The following CAMK2D variants were observed in gnomAD, a reference collection of about 807,000 sequenced individuals.
CAMK2D encodes the protein calcium/calmodulin dependent protein kinase II delta, also known as calcium/calmodulin-dependent protein kinase type II subunit delta.
In CAMK2D, 37 loss-of-function variants were observed where a neutral mutation model predicts 84.0. The ratio of observed to expected loss-of-function variants is 0.44; its 90% CI spans 0.34 to 0.58. The LOEUF (loss-of-function observed/expected upper bound fraction) is 0.58. Ranked by LOEUF, CAMK2D falls within the 20% of genes least tolerant of loss-of-function variation. The pLI is 0.02. For synonymous variants in CAMK2D, 202 were observed against 212.5 expected, an observed-to-expected ratio of 0.95 and a Z score of 0.43; for missense variants, 448 against 652.5, an observed-to-expected ratio of 0.69 and a Z score of 3.41.
At chr4:113,609,027 T>C in intron 4 of CAMK2D, 125 bp downstream of exon 4, 1 of 575,796 alleles carries the variant, frequency 1.7e-6, no homozygotes. Context: ...TAGAGTTGAA[T>C]GTTACTTGAA....
At chr4:113,587,707 AAC>A (rs2098840321) in intron 4 of CAMK2D, among the ~76,000 whole-genome samples, 1 of 152,180 alleles carries the variant, frequency 6.6e-6, no homozygotes, top group African/African-American at 2.4e-5. Flanking sequence ...GACTATTAGT[AAC>A]AGTCAGTTAT....
chr4:113,752,053 T>G (rs1381307207), intron 2 of CAMK2D, among the ~76,000 whole-genome samples: 1 of 151,500 alleles, frequency 6.6e-6, no homozygotes, highest in Non-Finnish European at 1.5e-5. Context: ...CCCCAGGGTA[T>G]GAAGAAATAA....
rs773592122 is a variant in CAMK2D at position 113,500,476 on chromosome 4, A to C, written c.1122T>G (p.Asp374Glu). The part of the protein sequence containing the change: ...STESSNTTIE[D>E]EDVKARKQEI... ...GTTAAATCATACCTTTCACATCTTC[A>C]TCCTCAATTGTTGTATTTGAACTCT... The change falls in exon 16 of 21, where the codon GAT becomes GAG. Residue 374 changes from aspartate (D) to glutamate (E), a missense_variant. This residue lies in a region of CAMK2D where 219 missense variants were observed against 272.1 expected (regional missense o/e 0.80). Coordinates refer to ENST00000511664, the MANE Select transcript of CAMK2D (RefSeq NM_001321571.2). The C allele has an allele frequency of 2.5e-6, 4 of 1,598,278 alleles. No homozygotes were observed. Among genetic ancestry groups the C allele is most frequent in the Non-Finnish European group, 3.4e-6 (4 of 1,168,036 alleles).
chr4:113,570,793 G>C (rs925696106), intron 4 of CAMK2D, among the ~76,000 whole-genome samples: 2 of 151,988 alleles, frequency 1.3e-5, no homozygotes, highest in African/African-American at 2.4e-5. Flanking sequence ...AGCAAAAATA[G>C]ATGAGATTAC....
chr4:113,601,406 C>T (rs747003312), intron 4 of CAMK2D, among the ~76,000 whole-genome samples: 6 of 151,674 alleles, frequency 4.0e-5, no homozygotes, highest in African/African-American at 1.2e-4. Context: ...AAAAGGAACA[C>T]GATCCGGATA....
chr4:113,686,710 A>G (rs544479509), intron 2 of CAMK2D, among the ~76,000 whole-genome samples: 7 of 152,354 alleles, frequency 4.6e-5, no homozygotes, highest in African/African-American at 1.7e-4. Context: ...TATTTTTAAC[A>G]TGATCATTGA....
intron 2 of CAMK2D, among the ~76,000 whole-genome samples, chr4:113,750,777 G>C (rs1005667827): frequency 3.3e-5 from 5 of 152,182 alleles, no homozygotes; most frequent in Admixed American, 1.3e-4. Context: ...TTCAGAGCCT[G>C]AGATAGGGGG....
chr4:113,463,949 A>G (rs1056929600), intron 17 of CAMK2D, among the ~76,000 whole-genome samples: 2 of 152,224 alleles, frequency 1.3e-5, no homozygotes, highest in Admixed American at 1.3e-4. Context: ...TTAAATTCTT[A>G]TAAGTAGAAT....
At chr4:113,619,652 C>T (rs1216427341) in intron 3 of CAMK2D, among the ~76,000 whole-genome samples, 2 of 152,188 alleles carry the variant, frequency 1.3e-5, no homozygotes, top group African/African-American at 4.8e-5. Flanking sequence ...ATTCACATGG[C>T]TCATGGCCTC....
intron 9 of CAMK2D, 103 bp from the exon 10 acceptor site, chr4:113,515,294 C>T (rs1434530506): frequency 1.4e-6 from 1 of 709,104 alleles, no homozygotes; most frequent in East Asian, 2.9e-5. Context: ...TGAATTTCTT[C>T]ATAAATTTAC....
chr4:113,750,301 T>C (rs531141672), intron 2 of CAMK2D, among the ~76,000 whole-genome samples: 3 of 152,280 alleles, frequency 2.0e-5, no homozygotes, highest in South Asian at 4.1e-4. Flanking sequence ...GTACCAGGTG[T>C]ACTCACTCCA....
chr4:113,605,393 C>T (rs181485881), intron 4 of CAMK2D, among the ~76,000 whole-genome samples: 1 of 152,270 alleles, frequency 6.6e-6, no homozygotes. Flanking sequence ...TGCCTTGTCT[C>T]TTGTTAATCT....
intron 3 of CAMK2D, among the ~76,000 whole-genome samples, chr4:113,641,563 G>C (rs2099132339): frequency 6.6e-6 from 1 of 152,174 alleles, no homozygotes; most frequent in Admixed American, 6.5e-5. Context: ...AGAGGACAGG[G>C]AGCCTAGAGA....
chr4:113,520,102 T>A (rs1024709197), intron 8 of CAMK2D, among the ~76,000 whole-genome samples: 42 of 152,092 alleles, frequency 2.8e-4, no homozygotes, highest in Non-Finnish European at 4.3e-4. Flanking sequence ...AAATGCTTAT[T>A]TTAAAAGTGT....
intron 8 of CAMK2D, among the ~76,000 whole-genome samples, chr4:113,520,640 T>C (rs76996225): frequency 0.028 from 4,308 of 152,130 alleles, 184 homozygotes; most frequent in African/African-American, 0.098. Flanking sequence ...GCGAGACCAC[T>C]TGAGGGGTGA....
intron 2 of CAMK2D, among the ~76,000 whole-genome samples, chr4:113,708,794 G>A (rs929205979): frequency 2.0e-5 from 3 of 152,044 alleles, no homozygotes; most frequent in Middle Eastern, 6.8e-3. Context: ...GCGTAATCTC[G>A]GCTCACTGCA....
At chr4:113,617,462 T>TA (rs201933436) in intron 3 of CAMK2D, among the ~76,000 whole-genome samples, 1,429 of 142,674 alleles carry the variant, frequency 0.01, 12 homozygotes, top group Middle Eastern at 0.018. Flanking sequence ...TACCCTGTCT[T>TA]AAAAAAAAAA....
chr4:113,508,724 G>A (rs1019372672), intron 13 of CAMK2D, among the ~76,000 whole-genome samples: 6 of 152,158 alleles, frequency 3.9e-5, no homozygotes, highest in African/African-American at 1.2e-4. Context: ...CACACAGACA[G>A]GTGGTAAAGA....
intron 3 of CAMK2D, among the ~76,000 whole-genome samples, chr4:113,646,370 T>A (rs1274647225): frequency 6.6e-6 from 1 of 152,204 alleles, no homozygotes; most frequent in Non-Finnish European, 1.5e-5. Context: ...AAGTTTTACA[T>A]ACTACTGGGT....
Sources: gnomAD v4.1 joint callset for allele counts (sites outside exome capture counted in the v4.1 genomes callset) on GRCh38, gnomAD v4.1.1 for gene constraint, gnomAD v4.1.1 regional missense constraint, MANE v1.5 for transcripts, NCBI Gene and HGNC (gene_info 2026-07-23, HGNC 2026-07-21) for gene names.